Variants in ACBD4 observed in about 807,000 individuals in gnomAD.
ACBD4 encodes acyl-CoA-binding domain-containing protein 4.
A neutral mutation model predicts 46.0 loss-of-function variants in ACBD4; 41 were observed. The ratio of observed to expected loss-of-function variants is 0.89; its 90% CI spans 0.69 to 1.16. The LOEUF (loss-of-function observed/expected upper bound fraction) is 1.16, where lower values mean the gene tolerates loss of function less well. Ranked by LOEUF, ACBD4 falls within the 50% of genes most tolerant of loss-of-function variation. ACBD4 has a pLI of 0.00. For missense variants in ACBD4, 393 were observed against 399.5 expected (o/e 0.98, Z 0.14); for synonymous variants, 162 against 155.9 (o/e 1.04, Z -0.29).
chr17:45,141,159 C>A (rs1256213604), intron 9 of ACBD4, among the ~76,000 whole-genome samples: 2 of 152,240 alleles, frequency 1.3e-5, no homozygotes. Context: ...CCTGAAACCG[C>A]CTTTTCCAGC....
chr17:45,141,195 A>C (rs1323239400), intron 9 of ACBD4, among the ~76,000 whole-genome samples: 1 of 152,238 alleles, frequency 6.6e-6, no homozygotes, highest in African/African-American at 2.4e-5. Context: ...GGCTAGGACC[A>C]CACATTGCAT....
In ACBD4 at chr17:45,137,993, G is replaced by T; in HGVS notation, c.649+5G>T. 1 of 1,612,404 alleles carries T rather than the reference G, an allele frequency of 6.2e-7. No homozygotes were observed. The highest frequency in any genetic ancestry group is 8.5e-7 in the Non-Finnish European group (1 of 1,179,512). On this transcript the variant is annotated splice_donor_5th_base_variant and intron_variant, in intron 8 of 9. Coordinates refer to ENST00000321854, the MANE Select transcript of ACBD4 (RefSeq NM_001135705.3). ...CCGTGCCCCCCACAAAGAAAGGTGA[G>T]CTCCTACCCAACCTCTCACCCACTT... is the stretch of plus-strand genomic sequence containing the variant.
upstream of ACBD4, among the ~76,000 whole-genome samples, chr17:45,134,972 C>CT (rs71363517): frequency 0.21 from 29,439 of 137,642 alleles, 3,455 homozygotes; most frequent in Middle Eastern, 0.32. Flanking sequence ...TTTGCTTACT[C>CT]TTTTTTTTTT....
chr17:45,140,040 C>G (rs1346453227), intron 9 of ACBD4, among the ~76,000 whole-genome samples: 1 of 152,140 alleles, frequency 6.6e-6, no homozygotes, highest in Non-Finnish European at 1.5e-5. Flanking sequence ...TGAGGCATCT[C>G]TGGGGTGACC....
upstream of ACBD4, among the ~76,000 whole-genome samples, chr17:45,134,894 T>G (rs943824786): frequency 8.5e-5 from 13 of 152,052 alleles, no homozygotes; most frequent in African/African-American, 3.1e-4. Flanking sequence ...ACTGTATTTT[T>G]GTACCCATTT....
At chr17:45,132,511 C>CTTAGCGGCGCGA (rs2054479556), upstream of ACBD4, 1 of 649,176 alleles carries the variant, frequency 1.5e-6, no homozygotes, top group Admixed American at 5.5e-5. The surrounding 1 kb of genome is among the most constrained non-coding windows in gnomAD (Gnocchi z 4.6). Context: ...AGGCGGCGAG[C>CTTAGCGGCGCGA]GAAGAAACTT....
chr17:45,140,146 C>T (rs1049294019), intron 9 of ACBD4, among the ~76,000 whole-genome samples: 6 of 151,696 alleles, frequency 4.0e-5, no homozygotes, highest in Non-Finnish European at 7.4e-5. Flanking sequence ...TCCCCCTCAA[C>T]AGGGCTTTCT....
At chr17:45,140,308 G>A (rs537595421) in intron 9 of ACBD4, among the ~76,000 whole-genome samples, 14 of 150,516 alleles carry the variant, frequency 9.3e-5, no homozygotes, top group African/African-American at 1.9e-4. Flanking sequence ...CTCAGCCTCC[G>A]GAGTAGCTGG....
Position 45,135,827 on chromosome 17 carries a change from C to T in ACBD4, c.-164C>T. ...CCCTGAGTACTCCTATCTTGTTTCTCCACCTGTTCGGGAGTTGGAGATGTG... is the reference window on the plus strand; with the variant it reads ...CCCTGAGTACTCCTATCTTGTTTCTTCACCTGTTCGGGAGTTGGAGATGTG... On this transcript the variant is annotated 5_prime_UTR_variant, in exon 1 of 10. Transcript: ENST00000321854. The T allele has an allele frequency of 3.2e-6, 1 of 307,942 alleles. No individual in the cohort carries two copies. The highest frequency in any genetic ancestry group is 3.5e-5 in the South Asian group (1 of 28,198). 19.1% of individuals were successfully genotyped at this position (307,942 alleles called of 1,614,324 possible). A position where few individuals can be genotyped will look rare whatever the true frequency, so the allele number is the denominator to read the frequency against.
At chr17:45,140,854 A>C (rs183610053) in intron 9 of ACBD4, among the ~76,000 whole-genome samples, 1 of 152,262 alleles carries the variant, frequency 6.6e-6, no homozygotes, top group African/African-American at 2.4e-5. Context: ...CTCTACTAAA[A>C]ATACAAAACT....
chr17:45,143,312 G>C (rs1220293482), intron 9 of ACBD4, 131 bp from the exon 10 acceptor site: 1 of 752,464 alleles, frequency 1.3e-6, no homozygotes, highest in Middle Eastern at 3.9e-4. Flanking sequence ...CCACCTGGGG[G>C]CCACTTCCTT....
At chr17:45,138,912 G>A (rs1446046045) in intron 8 of ACBD4, 109 bp from the exon 9 acceptor site, 9 of 1,189,090 alleles carry the variant, frequency 7.6e-6, no homozygotes, top group African/African-American at 1.5e-5. Flanking sequence ...TTGGTACAGC[G>A]ACTGGGTTCC....
At chr17:45,132,297 G>A, upstream of ACBD4, 1 of 1,264,570 alleles carries the variant, frequency 7.9e-7, no homozygotes, top group Non-Finnish European at 1.0e-6. The surrounding 1 kb of genome is among the most constrained non-coding windows in gnomAD (Gnocchi z 4.6). Flanking sequence ...CGCCATCGGA[G>A]GGAGTCGGCG....
chr17:45,132,877 T>C (rs1024854639), upstream of ACBD4, among the ~76,000 whole-genome samples: 17 of 151,968 alleles, frequency 1.1e-4, no homozygotes, highest in African/African-American at 4.1e-4. The surrounding 1 kb of genome is among the most constrained non-coding windows in gnomAD (Gnocchi z 4.6). Context: ...GCCGCAGGCC[T>C]CAGCAGGGAA....
At chr17:45,132,505 G>A (rs2054479161), upstream of ACBD4, 3 of 771,626 alleles carry the variant, frequency 3.9e-6, no homozygotes, top group Non-Finnish European at 1.7e-6. The surrounding 1 kb of genome is among the most constrained non-coding windows in gnomAD (Gnocchi z 4.6). Flanking sequence ...TGAGCGAGGC[G>A]GCGAGCGAAG....
At chr17:45,134,696 G>A (rs2054685652), upstream of ACBD4, among the ~76,000 whole-genome samples, 1 of 152,034 alleles carries the variant, frequency 6.6e-6, no homozygotes. Flanking sequence ...AGAATGGCGT[G>A]AACCCGGGAG....
In ACBD4 at chr17:45,143,707, C is replaced by T; in HGVS notation, c.*136C>T. On this transcript the variant is annotated 3_prime_UTR_variant, in exon 10 of 10. Coordinates refer to ENST00000321854, the MANE Select transcript of ACBD4 (RefSeq NM_001135705.3). ...CTTCGCACCTCCTCCCCTAAAGCAG[C>T]GCGGGGGGCAAATAAGACCCCACCC... 2.1e-6 allele frequency: 3 copies of T among 1,457,464 alleles called. No homozygotes were observed. Among genetic ancestry groups the T allele is most frequent in the Non-Finnish European group, 1.9e-6 (2 of 1,066,148 alleles). 90.3% of individuals were successfully genotyped at this position (1,457,464 alleles called of 1,614,324 possible). A position where few individuals can be genotyped will look rare whatever the true frequency, so the allele number is the denominator to read the frequency against.
At chr17:45,137,891 G>C (rs1015471048) in intron 7 of ACBD4, 22 bp from the exon 8 acceptor site, 3 of 1,611,472 alleles carry the variant, frequency 1.9e-6, no homozygotes, top group African/African-American at 2.7e-5. Flanking sequence ...CCCACCCTCA[G>C]CTCTCTGACT....
intron 5 of ACBD4, 73 bp downstream of exon 5, chr17:45,137,212 G>A (rs987194179): frequency 2.9e-5 from 46 of 1,607,514 alleles, no homozygotes; most frequent in Non-Finnish European, 2.8e-5. Flanking sequence ...GTGGGCTGGG[G>A]GCAGAGGGCT....
Sources: gnomAD v4.1 joint callset for allele counts (sites outside exome capture counted in the v4.1 genomes callset) on GRCh38, gnomAD v4.1.1 for gene constraint, Gnocchi (gnomAD v3.1) non-coding constraint, MANE v1.5 for transcripts, NCBI Gene and HGNC (gene_info 2026-07-23, HGNC 2026-07-21) for gene names.